The following LRP1B variants were observed in gnomAD, a reference collection of about 807,000 sequenced individuals.
LRP1B encodes LDL receptor related protein 1B.
Under a neutral mutation model 556.6 loss-of-function variants are expected in LRP1B, and 217 were observed. That is an observed-to-expected ratio of 0.39 (90% CI 0.35 to 0.44). The LOEUF (loss-of-function observed/expected upper bound fraction) is 0.44, where lower values mean the gene tolerates loss of function less well. LRP1B is among the 20% of genes least tolerant of loss of function. The pLI is 1.00. For missense variants in LRP1B, 5,053 were observed against 5,620.8 expected (o/e 0.90, Z 3.23); for synonymous variants, 2,047 against 1,865.8 (o/e 1.10, Z -2.50).
chr2:141,695,056 T>G (rs1691684018), intron 2 of LRP1B, among the ~76,000 whole-genome samples: 1 of 152,054 alleles, frequency 6.6e-6, no homozygotes, highest in Non-Finnish European at 1.5e-5. Flanking sequence ...ATTGCCACAT[T>G]GTGGAATGAT....
intron 7 of LRP1B, among the ~76,000 whole-genome samples, chr2:141,167,016 T>C (rs980772847): frequency 1.3e-5 from 2 of 152,112 alleles, no homozygotes; most frequent in Admixed American, 1.3e-4. Flanking sequence ...CACTGAAATC[T>C]AGTTGAAACA....
intron 23 of LRP1B, among the ~76,000 whole-genome samples, chr2:140,895,404 G>T (rs1011864333): frequency 2.6e-5 from 4 of 152,170 alleles, no homozygotes; most frequent in African/African-American, 7.2e-5. Context: ...ACTTGGGAAG[G>T]GGGTGGCTCG....
At chr2:140,427,274 A>G (rs964028564) in intron 66 of LRP1B, among the ~76,000 whole-genome samples, 3 of 151,968 alleles carry the variant, frequency 2.0e-5, no homozygotes, top group Admixed American at 6.5e-5. Flanking sequence ...TGGCAAGTCA[A>G]TTGCGAGGAC....
intron 15 of LRP1B, among the ~76,000 whole-genome samples, chr2:140,996,958 C>T (rs1305708431): frequency 6.6e-6 from 1 of 151,810 alleles, no homozygotes; most frequent in Non-Finnish European, 1.5e-5. Context: ...CCAAAAATTG[C>T]TTTTAGTATA....
chr2:140,859,648 T>A (rs1211770863), intron 27 of LRP1B, among the ~76,000 whole-genome samples: 2 of 152,084 alleles, frequency 1.3e-5, no homozygotes, highest in Non-Finnish European at 1.5e-5. Context: ...GTGCCAAGTG[T>A]TTTATAAGCA....
intron 1 of LRP1B, among the ~76,000 whole-genome samples, chr2:142,094,426 T>A (rs1465894714): frequency 1.3e-5 from 2 of 152,066 alleles, no homozygotes; most frequent in Non-Finnish European, 2.9e-5. Flanking sequence ...GAGGGGCCAC[T>A]TGGCCTCATG....
chr2:140,781,781 T>G (rs549338903), intron 32 of LRP1B, among the ~76,000 whole-genome samples: 1 of 152,320 alleles, frequency 6.6e-6, no homozygotes, highest in South Asian at 2.1e-4. Flanking sequence ...CTCTGTAAAG[T>G]ATTTCAGACT....
At chr2:140,959,036 A>G (rs1327533530) in intron 18 of LRP1B, among the ~76,000 whole-genome samples, 1 of 150,798 alleles carries the variant, frequency 6.6e-6, no homozygotes, top group East Asian at 2.0e-4. Flanking sequence ...GTTAGATACA[A>G]ACTTGAAGTG....
At chr2:141,976,901 A>T (rs1200271930) in intron 1 of LRP1B, among the ~76,000 whole-genome samples, 1 of 152,186 alleles carries the variant, frequency 6.6e-6, no homozygotes, top group Non-Finnish European at 1.5e-5. Context: ...TAAATTATTG[A>T]ATAGAAAATA....
chr2:140,257,012 CATG>C (rs1681724489), intron 86 of LRP1B, among the ~76,000 whole-genome samples: 3 of 151,994 alleles, frequency 2.0e-5, no homozygotes, highest in African/African-American at 7.3e-5. Flanking sequence ...ACTCCTTTAA[CATG>C]ATGGCTTTTT....
intron 72 of LRP1B, among the ~76,000 whole-genome samples, chr2:140,361,030 C>A: frequency 6.6e-6 from 1 of 151,176 alleles, no homozygotes; most frequent in East Asian, 2.0e-4. Context: ...ATGTAACTAC[C>A]TTTTCCCTAT....
At chr2:140,664,817 G>A (rs1044004402) in intron 41 of LRP1B, among the ~76,000 whole-genome samples, 1 of 151,906 alleles carries the variant, frequency 6.6e-6, no homozygotes, top group African/African-American at 2.4e-5. Context: ...TTACTGTGTA[G>A]TGGCTTTAAA....
At chr2:141,723,043 T>C (rs995351822) in intron 2 of LRP1B, among the ~76,000 whole-genome samples, 8 of 151,666 alleles carry the variant, frequency 5.3e-5, no homozygotes, top group Admixed American at 4.6e-4. Context: ...TTGCATTTTA[T>C]TTATATAATA....
chr2:141,219,888 C>T lies in LRP1B; in HGVS notation c.850+9295G>A, dbSNP rs559534345. ...CAAAAGAAAAACAAACAGAAAGCAA[C>T]AACAACATCGACAAAAAAGACCCCA... is the stretch of plus-strand genomic sequence containing the variant. On this transcript the variant is annotated intron_variant, in intron 6 of 90. Coordinates refer to ENST00000389484, the MANE Select transcript of LRP1B (RefSeq NM_018557.3). 8.6e-5 allele frequency among the ~76,000 whole-genome samples: 13 copies of T among 151,932 alleles called. No homozygotes were observed. In the South Asian group the frequency reaches 2.7e-3, roughly 32 times the overall value.
chr2:141,953,956 G>C (rs1701180102), intron 1 of LRP1B, among the ~76,000 whole-genome samples: 1 of 151,992 alleles, frequency 6.6e-6, no homozygotes, highest in South Asian at 2.1e-4. Context: ...GTAATAACTT[G>C]TCAATTAAAA....
intron 3 of LRP1B, among the ~76,000 whole-genome samples, chr2:141,306,829 A>T (rs989606184): frequency 2.0e-5 from 3 of 151,976 alleles, no homozygotes; most frequent in East Asian, 1.9e-4. Context: ...CATTTAAGAA[A>T]TTTTTTTATT....
chr2:142,028,722 T>G (rs1703587900), intron 1 of LRP1B, among the ~76,000 whole-genome samples: 1 of 151,996 alleles, frequency 6.6e-6, no homozygotes, highest in African/African-American at 2.4e-5. Flanking sequence ...TAATTTTGAC[T>G]TTATATAAGA....
At chr2:142,114,544 A>T (rs1219548141) in intron 1 of LRP1B, among the ~76,000 whole-genome samples, 1 of 152,170 alleles carries the variant, frequency 6.6e-6, no homozygotes, top group Non-Finnish European at 1.5e-5. Context: ...GAATGGATAA[A>T]CAAAATGTGG....
intron 1 of LRP1B, among the ~76,000 whole-genome samples, chr2:141,816,299 A>G (rs1255976451): frequency 6.6e-6 from 1 of 152,150 alleles, no homozygotes; most frequent in Non-Finnish European, 1.5e-5. Context: ...TGGGAGAGGC[A>G]GACCCACCCT....
Sources: allele counts gnomAD v4.1 joint callset (sites outside exome capture counted in the v4.1 genomes callset), GRCh38; gene constraint gnomAD v4.1.1; transcripts MANE v1.5; gene names NCBI Gene and HGNC (gene_info 2026-07-23, HGNC 2026-07-21).